Variants in MTHFD1L observed in about 807,000 individuals in gnomAD.
MTHFD1L encodes the protein methylenetetrahydrofolate dehydrogenase (NADP+ dependent) 1 like, also known as monofunctional C1-tetrahydrofolate synthase, mitochondrial.
MTHFD1L carries 81 observed loss-of-function variants against 119.5 expected under a neutral mutation model. The observed-to-expected ratio is 0.68, with a 90% CI of 0.57 to 0.82. The LOEUF is 0.82. Ranked by LOEUF, MTHFD1L falls within the 40% of genes least tolerant of loss-of-function variation. The pLI, the probability that MTHFD1L is intolerant of heterozygous loss-of-function variation, is 0.00. For synonymous variants in MTHFD1L, 430 were observed against 475.2 expected (o/e 0.90, Z 1.24); for missense variants, 1,125 against 1,253.4 (o/e 0.90, Z 1.55).
chr6:150,903,722 C>T (rs1321878588), intron 7 of MTHFD1L, among the ~76,000 whole-genome samples: 1 of 152,206 alleles, frequency 6.6e-6, no homozygotes, highest in Non-Finnish European at 1.5e-5. Flanking sequence ...CATGAGCCAA[C>T]AGGTCTGGCC....
At position 151,039,233 on chromosome 6, in the gene MTHFD1L, A is replaced by G. The variant is rs116968239; in HGVS notation, c.2847+2116A>G. On this transcript the variant is annotated intron_variant, in intron 26 of 27. Transcript: ENST00000367321. This position sits in a 1 kb window ranked among gnomAD's most constrained non-coding sequence, Gnocchi z 4.4. ...AAATCCCACAGACACCGCTCGTAGC[A>G]GTGTTGGCACAGGGAGAAGGGCCTG... is the stretch of plus-strand genomic sequence containing the variant. 0.025 allele frequency among the ~76,000 whole-genome samples: 3,855 copies of G among 152,258 alleles called. 106 individuals carry two copies. The highest frequency in any genetic ancestry group is 0.092 in the Admixed American group (1,405 of 15,290).
intron 24 of MTHFD1L, among the ~76,000 whole-genome samples, chr6:151,026,820 C>CGT: frequency 1.9e-5 from 1 of 51,284 alleles, no homozygotes; most frequent in East Asian, 8.2e-4. Flanking sequence ...CCTTTCTATC[C>CGT]TTTTTTTTTT....
intron 20 of MTHFD1L, among the ~76,000 whole-genome samples, chr6:151,000,496 A>G (rs978058887): frequency 6.6e-6 from 1 of 152,234 alleles, no homozygotes; most frequent in Non-Finnish European, 1.5e-5. Flanking sequence ...GACAAATCCT[A>G]AAGAGCAGAA....
chr6:150,948,909 A>C (rs1794460163), intron 15 of MTHFD1L, 122 bp from the exon 16 acceptor site: 2 of 798,508 alleles, frequency 2.5e-6, no homozygotes, highest in Admixed American at 4.8e-5. Flanking sequence ...CCAAAGTGCC[A>C]GTTTAGTTTT....
intron 20 of MTHFD1L, among the ~76,000 whole-genome samples, chr6:150,986,409 T>C (rs1778305352): frequency 1.3e-5 from 2 of 152,232 alleles, no homozygotes; most frequent in Admixed American, 6.5e-5. Context: ...TCTGTATGTA[T>C]GTGCTGTGTT....
At chr6:150,919,405 A>T (rs894002134) in intron 9 of MTHFD1L, among the ~76,000 whole-genome samples, 1 of 151,914 alleles carries the variant, frequency 6.6e-6, no homozygotes, top group South Asian at 2.1e-4. Flanking sequence ...TTGTATTTTT[A>T]GTAGAGACAG....
At chr6:151,029,584 G>A (rs1179606957) in intron 24 of MTHFD1L, among the ~76,000 whole-genome samples, 1 of 152,018 alleles carries the variant, frequency 6.6e-6, no homozygotes, top group Non-Finnish European at 1.5e-5. Context: ...ATCACCTGAG[G>A]TCAGGAGTTT....
At chr6:151,070,680 G>C (rs1194410155) in intron 26 of MTHFD1L, among the ~76,000 whole-genome samples, 1 of 152,174 alleles carries the variant, frequency 6.6e-6, no homozygotes, top group Admixed American at 6.5e-5. Context: ...GAATGACCCT[G>C]TGGCTGTGTT....
chr6:150,907,697 A>G (rs761839020), intron 8 of MTHFD1L, among the ~76,000 whole-genome samples: 15 of 150,208 alleles, frequency 1.0e-4, no homozygotes, highest in African/African-American at 1.4e-4. Flanking sequence ...TACTGAATGC[A>G]TGTCCCTTTC....
Position 150,944,295 on chromosome 6 carries a change from AAATTAGCCAGGCAC to A in MTHFD1L, c.1441-187_1441-174del, listed in dbSNP as rs563498827. ...ACCCCCATCTCCACAGAAAATTCAA[AAATTAGCCAGGCAC>A]AATGGTGTGCACCTATAGTCCCAGC... is the stretch of plus-strand genomic sequence containing the variant. On this transcript the variant is annotated intron_variant, in intron 13 of 27. Transcript: ENST00000367321. Among the ~76,000 whole-genome samples, 114 of 152,256 alleles carry A rather than the reference AAATTAGCCAGGCAC, an allele frequency of 7.5e-4. 1 individual carries two copies. The East Asian group carries it at 0.012, about 16-fold the overall frequency.
Position 151,076,022 on chromosome 6 carries a change from G to A in MTHFD1L, c.2848-16445G>A, listed in dbSNP as rs1792463666. On this transcript the variant is annotated intron_variant, in intron 26 of 27. Transcript: ENST00000367321. ...TTACCATCACAGGCATTAGGGAAAT[G>A]GAAATTTAAACCACAGTGAATACCG... Among the ~76,000 whole-genome samples the A allele has an allele frequency of 3.3e-5, 5 of 152,162 alleles. No individual in the cohort carries two copies. In the South Asian group the frequency reaches 1.0e-3, roughly 32 times the overall value.
chr6:151,090,892 T>C (rs1266191755), intron 26 of MTHFD1L, among the ~76,000 whole-genome samples: 1 of 133,224 alleles, frequency 7.5e-6, no homozygotes, highest in Non-Finnish European at 1.6e-5. Context: ...GGGTGCAGCA[T>C]TGCCCCATGC....
intron 19 of MTHFD1L, among the ~76,000 whole-genome samples, chr6:150,966,621 C>G (rs75095529): frequency 6.6e-6 from 1 of 152,066 alleles, no homozygotes; most frequent in Non-Finnish European, 1.5e-5. Flanking sequence ...TCAGGAACCT[C>G]GAGACCAGCC....
intron 20 of MTHFD1L, among the ~76,000 whole-genome samples, chr6:151,008,499 A>G (rs1005116075): frequency 2.8e-5 from 4 of 143,490 alleles, no homozygotes; most frequent in Non-Finnish European, 6.3e-5. Flanking sequence ...GGGGAGCCCA[A>G]GATTCCACAT....
rs957178386 is a variant in MTHFD1L, at chr6:151,082,689, T to C, written c.2848-9778T>C. On this transcript the variant is annotated intron_variant, in intron 26 of 27. Transcript: ENST00000367321. ...ATAATAAAATAACAACAATGGGTAC[T>C]GTGTATTAAACTCTAAACTAGGGTC... Among the ~76,000 whole-genome samples the C allele has an allele frequency of 3.9e-5, 6 of 152,190 alleles. No individual in the cohort carries two copies. In the East Asian group the frequency reaches 1.2e-3, roughly 29 times the overall value.
At chr6:150,947,716 T>C (rs1301600598) in intron 15 of MTHFD1L, among the ~76,000 whole-genome samples, 1 of 152,060 alleles carries the variant, frequency 6.6e-6, no homozygotes, top group African/African-American at 2.4e-5. Flanking sequence ...AACTGCGGCA[T>C]CAATTATATG....
intron 8 of MTHFD1L, 135 bp downstream of exon 8, chr6:150,905,896 A>G: frequency 1.5e-6 from 1 of 669,858 alleles, no homozygotes; most frequent in Non-Finnish European, 2.6e-6. Context: ...GGAAACTTAG[A>G]CTGTGGGCTA....
intron 4 of MTHFD1L, 104 bp from the exon 5 acceptor site, chr6:150,882,648 CAACAAACTAT>C (rs1781560442): frequency 1.3e-6 from 1 of 773,128 alleles, no homozygotes. Flanking sequence ...AGCAAAACAA[CAACAAACTAT>C]AACAGATGCA....
intron 26 of MTHFD1L, among the ~76,000 whole-genome samples, chr6:151,090,546 G>A (rs939790620): frequency 5.3e-5 from 8 of 151,760 alleles, no homozygotes; most frequent in African/African-American, 1.7e-4. Context: ...ACCATGCAGG[G>A]AGGAGAGGCT....
Sources: gnomAD v4.1 joint callset for allele counts (sites outside exome capture counted in the v4.1 genomes callset) on GRCh38, gnomAD v4.1.1 for gene constraint, Gnocchi (gnomAD v3.1) non-coding constraint, MANE v1.5 for transcripts, NCBI Gene and HGNC (gene_info 2026-07-23, HGNC 2026-07-21) for gene names.